The following PECR variants were observed in gnomAD, a reference collection of about 807,000 sequenced individuals.
PECR encodes the protein peroxisomal trans-2-enoyl-CoA reductase.
In PECR, 30 loss-of-function variants were observed where a neutral mutation model predicts 35.3. The ratio of observed to expected loss-of-function variants is 0.85; its 90% CI spans 0.64 to 1.15. The LOEUF is 1.15. Among genes scored for constraint, PECR ranks in the 50% most tolerant of loss-of-function variants. The pLI, the probability that PECR is intolerant of heterozygous loss-of-function variation, is 0.00. For synonymous variants in PECR, 148 were observed against 138.9 expected, an observed-to-expected ratio of 1.07 and a Z score of -0.46; for missense variants, 392 against 370.8, an observed-to-expected ratio of 1.06 and a Z score of -0.47.
chr2:216,031,681 A>AAGAG (rs1371742409), intron 7 of PECR, among the ~76,000 whole-genome samples: 2 of 115,488 alleles, frequency 1.7e-5, no homozygotes, highest in South Asian at 2.8e-4. Flanking sequence ...GAAAGAAAGA[A>AAGAG]AGAAAGAAAG....
chr2:216,075,443 C>T (rs1312163603), intron 1 of PECR, among the ~76,000 whole-genome samples: 1 of 152,076 alleles, frequency 6.6e-6, no homozygotes, highest in Non-Finnish European at 1.5e-5. Flanking sequence ...AGAAAAAGGG[C>T]AGAATGGGTA....
At chr2:216,033,843 G>A (rs147577533), downstream of PECR, 1 of 152,220 alleles carries the variant, frequency 6.6e-6, no homozygotes, top group Admixed American at 6.5e-5. Context: ...AACCCACAGA[G>A]GGCCTTGGTT....
chr2:216,044,133 G>A, intron 6 of PECR, 118 bp from the exon 7 acceptor site: 1 of 686,574 alleles, frequency 1.5e-6, no homozygotes, highest in Non-Finnish European at 2.7e-6. Flanking sequence ...ATCCAACAGT[G>A]TGTGCATGTG....
At chr2:216,044,825 GACTTGTAA>G (rs962700710) in intron 6 of PECR, among the ~76,000 whole-genome samples, 2 of 152,200 alleles carry the variant, frequency 1.3e-5, no homozygotes, top group African/African-American at 2.4e-5. Context: ...TTATTTCACT[GACTTGTAA>G]AGGAGCTCTC....
intron 4 of PECR, among the ~76,000 whole-genome samples, chr2:216,057,489 G>T (rs6716806): frequency 0.033 from 4,987 of 152,188 alleles, 255 homozygotes; most frequent in African/African-American, 0.11. Context: ...GTAGGAAAAA[G>T]ATATGCCCCC....
At chr2:216,056,553 T>A (rs1163145369) in intron 4 of PECR, among the ~76,000 whole-genome samples, 2 of 151,600 alleles carry the variant, frequency 1.3e-5, no homozygotes, top group Non-Finnish European at 2.9e-5. Context: ...AAACCCCGTC[T>A]CTACTAAAAA....
chr2:216,052,819 A>C (rs895497423), intron 4 of PECR, among the ~76,000 whole-genome samples: 3 of 151,404 alleles, frequency 2.0e-5, no homozygotes, highest in Admixed American at 6.6e-5. Flanking sequence ...TCTTTCAGAG[A>C]CTCCAACTGT....
At chr2:216,063,444 C>T (rs139494807) in intron 3 of PECR, among the ~76,000 whole-genome samples, 3,052 of 151,796 alleles carry the variant, frequency 0.02, 116 homozygotes, top group African/African-American at 0.07. Flanking sequence ...ATGGTGAAAC[C>T]CCGTCTCTAC....
chr2:216,048,377 G>C (rs1027732456), intron 6 of PECR, among the ~76,000 whole-genome samples: 2 of 95,864 alleles, frequency 2.1e-5, no homozygotes, highest in South Asian at 3.3e-4. Flanking sequence ...GCCTGGCCTT[G>C]TTTTCTTAAA....
chr2:216,057,060 C>A (rs1318073977), intron 4 of PECR, among the ~76,000 whole-genome samples: 1 of 152,104 alleles, frequency 6.6e-6, no homozygotes, highest in African/African-American at 2.4e-5. Context: ...CTCATTACTT[C>A]TTACATATGC....
At chr2:216,030,709 ATTT>A (rs1694666525) in intron 7 of PECR, among the ~76,000 whole-genome samples, 1 of 144,436 alleles carries the variant, frequency 6.9e-6, no homozygotes, top group Admixed American at 7.3e-5. Context: ...CAACTGGCTA[ATTT>A]TTGTATTTCT....
At chr2:216,075,156 T>C (rs575669444) in intron 1 of PECR, among the ~76,000 whole-genome samples, 88 of 152,232 alleles carry the variant, frequency 5.8e-4, no homozygotes, top group African/African-American at 2.0e-3. Flanking sequence ...ATAGTTTAGA[T>C]ACTTGGGAGG....
chr2:216,073,006 T>C (rs1695616938), intron 1 of PECR, among the ~76,000 whole-genome samples: 1 of 152,252 alleles, frequency 6.6e-6, no homozygotes. Flanking sequence ...GTTTAGGTTA[T>C]AATTTAGTAA....
At chr2:216,067,704 GCA>G (rs1461624376) in intron 1 of PECR, among the ~76,000 whole-genome samples, 1 of 151,910 alleles carries the variant, frequency 6.6e-6, no homozygotes, top group East Asian at 1.9e-4. Context: ...CTACAGGCGT[GCA>G]CCACCAGGCC....
intron 1 of PECR, among the ~76,000 whole-genome samples, chr2:216,067,991 G>A (rs1304641803): frequency 2.6e-5 from 4 of 151,946 alleles, no homozygotes; most frequent in African/African-American, 9.7e-5. Context: ...CACTTTGGGA[G>A]GCTGAGGCGG....
chr2:216,059,786 G>A (rs1695298226), intron 3 of PECR, among the ~76,000 whole-genome samples: 1 of 152,174 alleles, frequency 6.6e-6, no homozygotes, highest in African/African-American at 2.4e-5. Flanking sequence ...TCTAGCCTAT[G>A]TCAGTACCAC....
intron 7 of PECR, among the ~76,000 whole-genome samples, chr2:216,041,493 AG>A (rs1694885305): frequency 6.6e-6 from 1 of 151,848 alleles, no homozygotes; most frequent in Non-Finnish European, 1.5e-5. Flanking sequence ...GAAAATAATA[AG>A]TAAAATTAAA....
chr2:216,067,538 G>A (rs1322387936), intron 1 of PECR, among the ~76,000 whole-genome samples: 1 of 151,808 alleles, frequency 6.6e-6, no homozygotes, highest in Non-Finnish European at 1.5e-5. Flanking sequence ...CAAAGCTCAA[G>A]AATATATACA....
intron 1 of PECR, among the ~76,000 whole-genome samples, chr2:216,071,027 G>C (rs548149696): frequency 6.6e-6 from 1 of 152,238 alleles, no homozygotes; most frequent in Non-Finnish European, 1.5e-5. Flanking sequence ...TGAATTAATT[G>C]AGACAGGTAA....
Sources: gnomAD v4.1 joint callset for allele counts (sites outside exome capture counted in the v4.1 genomes callset) on GRCh38, gnomAD v4.1.1 for gene constraint, MANE v1.5 for transcripts, NCBI Gene and HGNC (gene_info 2026-07-23, HGNC 2026-07-21) for gene names.